The following SDAD1 variants were observed in gnomAD, a reference collection of about 807,000 sequenced individuals.
SDAD1 encodes the protein SDA1 domain containing 1.
A neutral mutation model predicts 100.3 loss-of-function variants in SDAD1; 79 were observed. The observed-to-expected ratio is 0.79, with a 90% CI of 0.66 to 0.95. The LOEUF is 0.95. Ranked by LOEUF, SDAD1 falls within the 40% of genes least tolerant of loss-of-function variation. SDAD1 has a pLI of 0.00. For synonymous variants in SDAD1, 267 were observed against 271.4 expected (o/e 0.98, Z 0.16); for missense variants, 790 against 810.9 (o/e 0.97, Z 0.31).
chr4:75,984,194 C>T (rs1374448283), intron 1 of SDAD1, among the ~76,000 whole-genome samples: 1 of 151,770 alleles, frequency 6.6e-6, no homozygotes, highest in Non-Finnish European at 1.5e-5. Flanking sequence ...CTAGGTCTCC[C>T]TCTGTCACCC....
intron 11 of SDAD1, among the ~76,000 whole-genome samples, chr4:75,968,083 A>G (rs1017757150): frequency 1.3e-5 from 2 of 152,212 alleles, no homozygotes; most frequent in Admixed American, 1.3e-4. Flanking sequence ...TTGGTTGAAC[A>G]TAATGATGGA....
At chr4:75,960,023 G>A (rs765728805) in intron 17 of SDAD1, 43 bp downstream of exon 17, 13 of 1,582,104 alleles carry the variant, frequency 8.2e-6, no homozygotes, top group Middle Eastern at 2.3e-4. Flanking sequence ...CACAGATACT[G>A]CAGGAGTGTT....
chr4:75,973,628 G>A (rs1471793838), intron 7 of SDAD1, among the ~76,000 whole-genome samples: 3 of 152,054 alleles, frequency 2.0e-5, no homozygotes, highest in Non-Finnish European at 4.4e-5. Flanking sequence ...CTTCAAGACT[G>A]TCGAGAATTT....
At chr4:75,985,969 C>T (rs1730868145) in intron 1 of SDAD1, among the ~76,000 whole-genome samples, 1 of 152,160 alleles carries the variant, frequency 6.6e-6, no homozygotes, top group African/African-American at 2.4e-5. Flanking sequence ...TAATCACCTC[C>T]ATGCGTATAC....
chr4:75,981,871 G>A (rs990806919), intron 2 of SDAD1, 62 bp downstream of exon 2: 3 of 1,180,656 alleles, frequency 2.5e-6, no homozygotes, highest in Admixed American at 2.1e-5. Flanking sequence ...GAGTATTAGT[G>A]AAAAAACATT....
chr4:75,975,854 A>T lies in SDAD1; in HGVS notation c.478-10T>A, dbSNP rs777800991. 1.5e-5 allele frequency: 24 copies of T among 1,612,030 alleles called. No individual in the cohort carries two copies. The highest frequency in any genetic ancestry group is 2.0e-5 in the Non-Finnish European group (23 of 1,178,252). On this transcript the variant is annotated splice_polypyrimidine_tract_variant and intron_variant, in intron 5 of 21. Coordinates refer to ENST00000356260, the MANE Select transcript of SDAD1 (RefSeq NM_018115.4). ...TGAAATTTTGCAATACCTGCAGAAAAGGAGGAGAAAGAAGACTTAATGCAC... is the reference window on the plus strand; with the variant it reads ...TGAAATTTTGCAATACCTGCAGAAATGGAGGAGAAAGAAGACTTAATGCAC...
chr4:75,953,059 T>C (rs779949163), intron 21 of SDAD1, among the ~76,000 whole-genome samples: 17 of 152,164 alleles, frequency 1.1e-4, no homozygotes, highest in African/African-American at 3.6e-4. Flanking sequence ...TGAAGAGATC[T>C]TGAAGAAAAT....
chr4:75,988,422 G>A (rs1560560515), intron 1 of SDAD1, among the ~76,000 whole-genome samples: 4 of 152,042 alleles, frequency 2.6e-5, no homozygotes, highest in Admixed American at 2.0e-4. Flanking sequence ...CATATGCACA[G>A]CTCTCCCTCA....
chr4:75,974,876 C>T (rs1483663240), intron 6 of SDAD1, among the ~76,000 whole-genome samples: 1 of 151,580 alleles, frequency 6.6e-6, no homozygotes, highest in Non-Finnish European at 1.5e-5. Context: ...CCCGTCTCTA[C>T]TAAAATACAA....
At position 75,984,890 on chromosome 4, in the gene SDAD1, G is replaced by A. The variant is rs555196822; in HGVS notation, c.91-2853C>T. On this transcript the variant is annotated intron_variant, in intron 1 of 21. Transcript: ENST00000356260. ...TCACCTGTCTGACATCTCTGTTTAG[G>A]TGTCTAAACAGACATCATAAACTTA... Among the ~76,000 whole-genome samples, 3 of 151,734 alleles carry A rather than the reference G, an allele frequency of 2.0e-5. No individual in the cohort carries two copies. The East Asian group carries it at 5.8e-4, about 29-fold the overall frequency.
chr4:75,965,162 G>C (rs1262583428), intron 13 of SDAD1, among the ~76,000 whole-genome samples: 2 of 152,142 alleles, frequency 1.3e-5, no homozygotes, highest in South Asian at 4.1e-4. Flanking sequence ...TGTTCCTAGA[G>C]GTAGGTCTCT....
Position 75,969,398 on chromosome 4 carries a change from A to G in SDAD1, c.885T>C (p.Asp295=), listed in dbSNP as rs1245213568. Residue 295 remains aspartate, a splice_region_variant and synonymous_variant, in exon 11 of 22, where the codon GAT becomes GAC. Coordinates refer to ENST00000356260, the MANE Select transcript of SDAD1 (RefSeq NM_018115.4). ...SAIHLIHDPQ[D]FAEKLLKQLE... ...GCTGCTTTAGTAGTTTTTCCGCAAA[A>G]TCTGGCAAGGAGAGGATGAAAGAAG... The G allele has an allele frequency of 3.1e-6, 5 of 1,611,380 alleles. No individual in the cohort carries two copies. Among genetic ancestry groups the G allele is most frequent in the Non-Finnish European group, 4.2e-6 (5 of 1,177,962 alleles).
intron 21 of SDAD1, among the ~76,000 whole-genome samples, chr4:75,954,442 G>T (rs1578110271): frequency 2.6e-5 from 4 of 151,694 alleles, no homozygotes; most frequent in Admixed American, 1.3e-4. Flanking sequence ...GGAGGCTGAG[G>T]TGGACAGACT....
intron 6 of SDAD1, 123 bp from the exon 7 acceptor site, chr4:75,974,256 A>G (rs1730028905): frequency 1.3e-6 from 1 of 784,410 alleles, no homozygotes; most frequent in Non-Finnish European, 2.2e-6. Context: ...CCCAGTTGTA[A>G]TATTTTAAAA....
At position 75,950,841 on chromosome 4, in the gene SDAD1, C is replaced by A. The variant is rs1045742229; in HGVS notation, c.2017-44G>T. 7.3e-6 allele frequency: 10 copies of A among 1,360,986 alleles called. No homozygotes were observed. In the East Asian group the frequency reaches 2.1e-4, roughly 29 times the overall value. 84.3% of individuals were successfully genotyped at this position (1,360,986 alleles called of 1,614,324 possible). On this transcript the variant is annotated intron_variant, in intron 21 of 21. Transcript: ENST00000356260. ...TTGAAACATGATAACTCTTGGGTAC[C>A]CTATTATACGAATTTGGTTACATGA...
rs745966356 is a variant in SDAD1, at chr4:75,960,978, C to A, written c.1356+50G>T. ...AATCCTAATTGTAGGAAATTTCTCT[C>A]AGTTTGTGAGACCATAACCTTTAGA... On this transcript the variant is annotated intron_variant, in intron 16 of 21. Transcript: ENST00000356260. 1.0e-5 allele frequency: 15 copies of A among 1,479,986 alleles called. No individual in the cohort carries two copies. In the African/African-American group the frequency reaches 1.5e-4, roughly 15 times the overall value. The allele number at this position is 1,479,986 out of a possible 1,614,324, so 91.7% of individuals were successfully genotyped here. A position where few individuals can be genotyped will look rare whatever the true frequency, so the allele number is the denominator to read the frequency against.
chr4:75,969,361 T>C lies in SDAD1; in HGVS notation c.922A>G (p.Lys308Glu). The C allele has an allele frequency of 6.2e-7, 1 of 1,613,856 alleles. No homozygotes were observed. The highest frequency in any genetic ancestry group is 1.1e-5 in the South Asian group (1 of 91,004). ...EKLLKQLECC[K>E]ERFEVKMMLM... ...ATCATCTTCACTTCAAACCTCTCCTTACAGCACTCAAGCTGCTTTAGTAGT... is the reference window on the plus strand; with the variant it reads ...ATCATCTTCACTTCAAACCTCTCCTCACAGCACTCAAGCTGCTTTAGTAGT... Residue 308 changes from lysine (K) to glutamate (E), a missense_variant, in exon 11 of 22, where the codon AAG becomes GAG. Transcript: ENST00000356260.
chr4:75,969,903 C>T (rs1428120316), intron 10 of SDAD1, among the ~76,000 whole-genome samples: 5 of 151,978 alleles, frequency 3.3e-5, no homozygotes, highest in African/African-American at 7.3e-5. Context: ...TTTATAAATT[C>T]GCCAGGTGAG....
At chr4:75,954,882 T>C (rs750482266) in intron 21 of SDAD1, among the ~76,000 whole-genome samples, 3 of 152,166 alleles carry the variant, frequency 2.0e-5, no homozygotes, top group Non-Finnish European at 4.4e-5. Flanking sequence ...GAGGGGCGCC[T>C]GTCCATATGG....
Sources: allele counts gnomAD v4.1 joint callset (sites outside exome capture counted in the v4.1 genomes callset), GRCh38; gene constraint gnomAD v4.1.1; transcripts MANE v1.5; gene names NCBI Gene and HGNC (gene_info 2026-07-23, HGNC 2026-07-21).